CDK15: variants seen among roughly 807,000 people sequenced by gnomAD.
CDK15 encodes the protein cyclin dependent kinase 15.
CDK15 carries 62 observed loss-of-function variants against 60.3 expected under a neutral mutation model. That is an observed-to-expected ratio of 1.03 (90% confidence interval 0.84 to 1.27). The LOEUF is 1.27. Ranked by LOEUF, CDK15 falls within the 50% of genes most tolerant of loss-of-function variation. The pLI is 0.00. For missense variants in CDK15, 541 were observed against 527.8 expected, an observed-to-expected ratio of 1.03 and a Z score of -0.25; for synonymous variants, 194 against 195.7, an observed-to-expected ratio of 0.99 and a Z score of 0.07.
At chr2:201,859,399 G>A (rs965503888) in intron 10 of CDK15, among the ~76,000 whole-genome samples, 6 of 152,156 alleles carry the variant, frequency 3.9e-5, no homozygotes, top group African/African-American at 4.8e-5. Flanking sequence ...CCACTCCCAC[G>A]AAAATGCACT....
At chr2:201,835,951 TA>T (rs1370671870) in intron 8 of CDK15, among the ~76,000 whole-genome samples, 188 bp downstream of exon 8, 2 of 102,470 alleles carry the variant, frequency 2.0e-5, no homozygotes, top group Non-Finnish European at 3.8e-5. Context: ...TATATTTATA[TA>T]TATTTGTATA....
intron 12 of CDK15, chr2:201,889,308 G>GT: frequency 1.0e-6 from 1 of 985,454 alleles, no homozygotes; most frequent in Non-Finnish European, 1.2e-6. Context: ...CAATGCCCAA[G>GT]TGGAAAGGGG....
intron 12 of CDK15, among the ~76,000 whole-genome samples, chr2:201,884,497 C>T (rs1334091066): frequency 6.6e-6 from 1 of 152,150 alleles, no homozygotes; most frequent in South Asian, 2.1e-4. Context: ...TGCCTCATTG[C>T]CCTGTTAAAA....
At chr2:201,883,065 C>T (rs1022150338) in intron 12 of CDK15, among the ~76,000 whole-genome samples, 20 of 152,192 alleles carry the variant, frequency 1.3e-4, no homozygotes, top group South Asian at 2.1e-4. Context: ...TCGGCATGCT[C>T]TTGTGAGTGA....
At chr2:201,859,607 A>G (rs541788571) in intron 10 of CDK15, among the ~76,000 whole-genome samples, 1 of 152,300 alleles carries the variant, frequency 6.6e-6, no homozygotes, top group South Asian at 2.1e-4. Flanking sequence ...TTCAGCCAGT[A>G]CAATTTGAGG....
At chr2:201,833,176 A>G (rs541680041) in intron 6 of CDK15, among the ~76,000 whole-genome samples, 1 of 133,052 alleles carries the variant, frequency 7.5e-6, no homozygotes, top group African/African-American at 2.7e-5. Flanking sequence ...TCTTCCTCCT[A>G]CAATTTGTTC....
chr2:201,831,760 G>A (rs1011131875), intron 6 of CDK15, among the ~76,000 whole-genome samples: 4 of 152,156 alleles, frequency 2.6e-5, no homozygotes, highest in Non-Finnish European at 4.4e-5. Flanking sequence ...AAGAAGCTCT[G>A]TCTCTGACTC....
intron 6 of CDK15, among the ~76,000 whole-genome samples, chr2:201,830,358 G>A (rs1696696532): frequency 6.6e-6 from 1 of 152,192 alleles, no homozygotes; most frequent in African/African-American, 2.4e-5. Context: ...CAGGAAGGAA[G>A]GCATGGTCTA....
intron 8 of CDK15, among the ~76,000 whole-genome samples, chr2:201,836,135 T>TA (rs1559126366): frequency 2.0e-4 from 23 of 112,828 alleles, no homozygotes; most frequent in South Asian, 2.5e-4. Context: ...ATTTTATATA[T>TA]TTATATATTA....
At position 201,880,095 on chromosome 2, in the gene CDK15, G is replaced by A. The variant is rs61995877; in HGVS notation, c.1126G>A (p.Val376Ile). The A allele has an allele frequency of 2.2e-5, 36 of 1,614,078 alleles. No individual in the cohort carries two copies. Among genetic ancestry groups the A allele is most frequent in the South Asian group, 1.2e-4 (11 of 91,074 alleles). The change falls in exon 12 of 14, where the codon GTC becomes ATC. Residue 376 changes from valine to isoleucine, a missense_variant. Physicochemically the swap from Val to Ile is conservative, Grantham distance 29 (BLOSUM62 3). Coordinates refer to ENST00000652192, the MANE Select transcript of CDK15 (RefSeq NM_001366386.2). ...QMLKGFPRDR[V>I]SAQEALVHDY... ...GCTAAAAGGCTTTCCCAGAGACCGC[G>A]TCTCCGCCCAGGAAGCACTTGTTCA...
At chr2:201,833,373 T>C (rs1696843725) in intron 6 of CDK15, among the ~76,000 whole-genome samples, 1 of 152,198 alleles carries the variant, frequency 6.6e-6, no homozygotes, top group Non-Finnish European at 1.5e-5. Context: ...TAGTGTGGTC[T>C]CCTTGTGTTG....
intron 10 of CDK15, among the ~76,000 whole-genome samples, chr2:201,869,060 C>T (rs1271606937): frequency 6.6e-6 from 1 of 152,176 alleles, no homozygotes; most frequent in Non-Finnish European, 1.5e-5. Flanking sequence ...AATCATGCTA[C>T]TATAAAGACA....
intron 11 of CDK15, among the ~76,000 whole-genome samples, chr2:201,874,545 C>T (rs1018040012): frequency 1.3e-5 from 2 of 152,130 alleles, no homozygotes; most frequent in Admixed American, 6.6e-5. Context: ...AGGATTCATC[C>T]GGTACCCAGG....
rs745709326 is a variant in CDK15, at chr2:201,807,682, G to A, written c.273+39G>A. The A allele has an allele frequency of 6.1e-5, 98 of 1,612,418 alleles. 1 individual carries two copies. The Admixed American group carries it at 1.6e-3, about 26-fold the overall frequency. ...TGATGTTGATCAAGAAGAATTTAAT[G>A]TGAGCTTGTCTACGGAGGCCGGCCC... On this transcript the variant is annotated intron_variant, in intron 2 of 13. Coordinates refer to ENST00000652192, the MANE Select transcript of CDK15 (RefSeq NM_001366386.2).
chr2:201,848,751 G>T (rs1165223880), intron 9 of CDK15, among the ~76,000 whole-genome samples: 2 of 151,992 alleles, frequency 1.3e-5, no homozygotes, highest in Non-Finnish European at 2.9e-5. Context: ...GGTGCAGGGG[G>T]GTACTTTATT....
At chr2:201,853,820 C>A (rs138352880) in intron 9 of CDK15, among the ~76,000 whole-genome samples, 1 of 151,920 alleles carries the variant, frequency 6.6e-6, no homozygotes, top group African/African-American at 2.4e-5. Context: ...CTTTATACTC[C>A]GAAAGACTTT....
chr2:201,889,880 T>C (rs1419839246), intron 12 of CDK15, among the ~76,000 whole-genome samples: 3 of 151,470 alleles, frequency 2.0e-5, no homozygotes, highest in Non-Finnish European at 4.4e-5. Context: ...TGAAACCTTG[T>C]CTCCATTAAA....
rs116180740 is a variant in CDK15, at chr2:201,886,005, C to T, written c.1199-4780C>T. 5.1e-3 allele frequency among the ~76,000 whole-genome samples: 779 copies of T among 152,314 alleles called. 10 individuals are homozygous for T. Among genetic ancestry groups the T allele is most frequent in the African/African-American group, 0.017 (725 of 41,564 alleles). On this transcript the variant is annotated intron_variant, in intron 12 of 13. Coordinates refer to ENST00000652192, the MANE Select transcript of CDK15 (RefSeq NM_001366386.2). ...CAAATCTGACTCCTAAAAGCTACTC[C>T]TTTCCTACTATTCATTGTTCTTGCT... is the stretch of plus-strand genomic sequence containing the variant.
At chr2:201,816,779 G>C (rs1340618477) in intron 4 of CDK15, among the ~76,000 whole-genome samples, 1 of 152,024 alleles carries the variant, frequency 6.6e-6, no homozygotes. Context: ...AACAGGGCCT[G>C]GGGGGAGGCA....
Sources: gnomAD v4.1 joint callset for allele counts (sites outside exome capture counted in the v4.1 genomes callset) on GRCh38, gnomAD v4.1.1 for gene constraint, MANE v1.5 for transcripts, NCBI Gene and HGNC (gene_info 2026-07-23, HGNC 2026-07-21) for gene names.